Variants in OSBPL6 observed in about 807,000 individuals in gnomAD.
OSBPL6 encodes oxysterol-binding protein-related protein 6.
In OSBPL6, 49 loss-of-function variants were observed where a neutral mutation model predicts 125.8. The observed-to-expected ratio is 0.39, with a 90% confidence interval of 0.31 to 0.49. The LOEUF is 0.49. Ranked by LOEUF, OSBPL6 falls within the 20% of genes least tolerant of loss-of-function variation. The pLI, the probability that OSBPL6 is intolerant of heterozygous loss-of-function variation, is 0.88. For missense variants in OSBPL6, 986 were observed against 1,135.4 expected, an observed-to-expected ratio of 0.87 and a Z score of 1.89; for synonymous variants, 394 against 391.8, an observed-to-expected ratio of 1.01 and a Z score of -0.07.
chr2:178,314,703 C>T (rs62176077), intron 3 of OSBPL6, among the ~76,000 whole-genome samples: 10,001 of 152,252 alleles, frequency 0.066, 453 homozygotes, highest in Non-Finnish European at 0.098. Context: ...TAATATTTCA[C>T]GAGCTCTCAC....
chr2:178,393,795 A>G (rs189602860), intron 23 of OSBPL6, among the ~76,000 whole-genome samples: 38 of 152,046 alleles, frequency 2.5e-4, no homozygotes, highest in Admixed American at 2.5e-3. Context: ...AATTTTCCCC[A>G]TTACCTTTTC....
At chr2:178,329,686 AAGTGCTGGGATTAC>A (rs1377495433) in intron 5 of OSBPL6, among the ~76,000 whole-genome samples, 1 of 152,128 alleles carries the variant, frequency 6.6e-6, no homozygotes, top group Non-Finnish European at 1.5e-5. Context: ...CGGCCTCCCA[AAGTGCTGGGATTAC>A]AGGCGTGAGC....
intron 17 of OSBPL6, 86 bp downstream of exon 17, chr2:178,383,363 G>A: frequency 6.7e-7 from 1 of 1,487,330 alleles, no homozygotes; most frequent in Non-Finnish European, 8.9e-7. Context: ...TGATATATTT[G>A]GCATTTGCAT....
At chr2:178,228,362 C>T (rs933765831) in intron 1 of OSBPL6, among the ~76,000 whole-genome samples, 6 of 152,002 alleles carry the variant, frequency 3.9e-5, no homozygotes, top group South Asian at 2.1e-4. Context: ...GGTGAAACAC[C>T]ATCTCTACTA....
At chr2:178,324,016 A>G (rs1030540527) in intron 3 of OSBPL6, among the ~76,000 whole-genome samples, 161 bp from the exon 4 acceptor site, 1 of 152,214 alleles carries the variant, frequency 6.6e-6, no homozygotes, top group Non-Finnish European at 1.5e-5. Context: ...CTGTGCCGAC[A>G]TATTTTTCTG....
At chr2:178,287,585 G>A (rs1169557174) in intron 2 of OSBPL6, among the ~76,000 whole-genome samples, 1 of 152,090 alleles carries the variant, frequency 6.6e-6, no homozygotes, top group East Asian at 1.9e-4. Context: ...GCTGAGTTGT[G>A]ACTTGACTAT....
In OSBPL6 at chr2:178,287,909, G is replaced by A. The variant is rs1684858367; in HGVS notation, c.-156+2788G>A. On this transcript the variant is annotated intron_variant, in intron 2 of 24. Coordinates refer to ENST00000190611, the MANE Select transcript of OSBPL6 (RefSeq NM_032523.4). ...TAAGACCGAAAAAATGGGGAAATGG[G>A]GGAAAAATTGTAGGGAGGGCTTAGG... is the stretch of plus-strand genomic sequence containing the variant. 2.0e-5 allele frequency among the ~76,000 whole-genome samples: 3 copies of A among 151,896 alleles called. No homozygotes were observed. In the South Asian group the frequency reaches 6.2e-4, roughly 32 times the overall value.
chr2:178,229,080 A>G (rs1344037668), intron 1 of OSBPL6, among the ~76,000 whole-genome samples: 1 of 152,220 alleles, frequency 6.6e-6, no homozygotes, highest in African/African-American at 2.4e-5. Context: ...GTGGAAGGTC[A>G]TGGGAGCATG....
intron 9 of OSBPL6, 33 bp downstream of exon 9, chr2:178,336,466 G>A (rs764240165): frequency 3.7e-6 from 6 of 1,604,006 alleles, no homozygotes; most frequent in Non-Finnish European, 5.1e-6. Flanking sequence ...CTGAGAGTAA[G>A]CCAAAACCAA....
At chr2:178,393,324 A>G (rs1163641939) in intron 23 of OSBPL6, among the ~76,000 whole-genome samples, 4 of 152,230 alleles carry the variant, frequency 2.6e-5, no homozygotes, top group Non-Finnish European at 5.9e-5. Context: ...AGTATGAGAT[A>G]TACTCAAAAT....
At chr2:178,270,441 C>T (rs1029137543) in intron 1 of OSBPL6, among the ~76,000 whole-genome samples, 6 of 152,138 alleles carry the variant, frequency 3.9e-5, no homozygotes, top group African/African-American at 1.2e-4. Context: ...CTCTTAGTAG[C>T]CACATTTCAC....
rs777090107 is a variant in OSBPL6, at chr2:178,320,400, C to T, written c.103-3777C>T. The T allele has an allele frequency of 2.5e-5, 41 of 1,612,706 alleles. No individual in the cohort carries two copies. In the Middle Eastern group the frequency reaches 9.3e-4, roughly 37 times the overall value. ...ATCTCTGATCAGGGGAAACAGAGGG[C>T]GGGTAAGTACTTCCACCTTCTCTGT... On this transcript the variant is annotated intron_variant, in intron 3 of 24. Transcript: ENST00000190611.
At chr2:178,257,311 T>C (rs191693923) in intron 1 of OSBPL6, among the ~76,000 whole-genome samples, 3 of 152,352 alleles carry the variant, frequency 2.0e-5, no homozygotes, top group Non-Finnish European at 4.4e-5. Context: ...AGTTTGTGTA[T>C]GTTCAAGGAT....
intron 1 of OSBPL6, among the ~76,000 whole-genome samples, chr2:178,195,967 T>C (rs1045238694): frequency 6.6e-6 from 1 of 152,222 alleles, no homozygotes; most frequent in Non-Finnish European, 1.5e-5. Context: ...CCTCTTGTTT[T>C]GTTTTTGTTT....
chr2:178,284,539 C>T (rs1170528556), intron 1 of OSBPL6, among the ~76,000 whole-genome samples: 4 of 152,130 alleles, frequency 2.6e-5, no homozygotes, highest in African/African-American at 4.8e-5. Context: ...GGCATTGCAG[C>T]GAGACTCTGT....
intron 21 of OSBPL6, 131 bp downstream of exon 21, chr2:178,389,284 A>G (rs1695205406): frequency 1.1e-6 from 1 of 910,692 alleles, no homozygotes; most frequent in Admixed American, 3.0e-5. Flanking sequence ...CATTTTAGAT[A>G]AGAAAGCAGA....
chr2:178,204,025 CTTTTTT>C (rs1166160655), intron 1 of OSBPL6, among the ~76,000 whole-genome samples: 8 of 129,004 alleles, frequency 6.2e-5, no homozygotes, highest in African/African-American at 1.8e-4. Flanking sequence ...TTTTCTTTTT[CTTTTTT>C]TTTTTTTTTT....
chr2:178,390,817 G>C (rs1163263996), intron 21 of OSBPL6, among the ~76,000 whole-genome samples: 4 of 152,254 alleles, frequency 2.6e-5, no homozygotes, highest in South Asian at 2.1e-4. Flanking sequence ...ATTAATATTA[G>C]GTTCTTGGGA....
At chr2:178,389,258 CA>C in intron 21 of OSBPL6, 105 bp downstream of exon 21, 1 of 1,113,994 alleles carries the variant, frequency 9.0e-7, no homozygotes, top group East Asian at 2.6e-5. Context: ...TGTCCTGTAT[CA>C]TTGGTCCTTA....
Sources: allele counts gnomAD v4.1 joint callset (sites outside exome capture counted in the v4.1 genomes callset), GRCh38; gene constraint gnomAD v4.1.1; transcripts MANE v1.5; gene names NCBI Gene and HGNC (gene_info 2026-07-23, HGNC 2026-07-21).